Variants in EGFR observed in about 807,000 individuals in gnomAD.
EGFR encodes the protein epidermal growth factor receptor.
In EGFR, 58 loss-of-function variants were observed where a neutral mutation model predicts 143.0. The observed-to-expected ratio is 0.41, with a 90% CI of 0.33 to 0.50. The LOEUF is 0.50. EGFR is among the 20% of genes least tolerant of loss of function. The pLI, the probability that EGFR is intolerant of heterozygous loss-of-function variation, is 0.39. For missense variants in EGFR, 1,307 were observed against 1,579.0 expected (o/e 0.83, Z 2.92); for synonymous variants, 613 against 594.4 (o/e 1.03, Z -0.45).
chr7:55,165,218 C>G (rs951763249), intron 14 of EGFR, 62 bp from the exon 15 acceptor site: 31 of 1,611,194 alleles, frequency 1.9e-5, no homozygotes, highest in Admixed American at 6.7e-5. Context: ...TAAAAAGTTA[C>G]TTCCATTTTG....
intron 1 of EGFR, among the ~76,000 whole-genome samples, chr7:55,032,974 C>T (rs568351316): frequency 5.9e-5 from 9 of 152,300 alleles, no homozygotes; most frequent in Admixed American, 1.3e-4. Context: ...AATCACAATG[C>T]TCTTAAAGCA....
chr7:55,151,262 TGAGATATG>T, intron 4 of EGFR, 24 bp from the exon 5 acceptor site: 3 of 1,607,824 alleles, frequency 1.9e-6, no homozygotes, highest in African/African-American at 1.3e-5. Flanking sequence ...ATCATTTCAC[TGAGATATG>T]CATCTATTAC....
chr7:55,200,987 A>G (rs1195760358), intron 24 of EGFR, among the ~76,000 whole-genome samples: 1 of 152,170 alleles, frequency 6.6e-6, no homozygotes, highest in Non-Finnish European at 1.5e-5. Context: ...GCATCAAAGG[A>G]TGGTTCATGT....
chr7:55,019,813 G>A (rs946949786), intron 1 of EGFR, among the ~76,000 whole-genome samples: 4 of 152,166 alleles, frequency 2.6e-5, no homozygotes, highest in African/African-American at 7.2e-5. Context: ...AGGGGCGGGC[G>A]CTGCCCACCC....
intron 1 of EGFR, among the ~76,000 whole-genome samples, chr7:55,106,084 C>G (rs1203336899): frequency 6.6e-6 from 1 of 152,178 alleles, no homozygotes; most frequent in Non-Finnish European, 1.5e-5. Flanking sequence ...CCTAGAGACC[C>G]AGGTCTGGGA....
rs1301647110 is a variant in EGFR, at chr7:55,208,684, T to G, written c.*3067T>G. On this transcript the variant is annotated 3_prime_UTR_variant, in exon 28 of 28. Transcript: ENST00000275493. ...GGGGAGCACTGTGGATGCATCCTAT[T>G]GCACTCCAGCTGATGACACCAAAGC... 6.6e-6 allele frequency: 1 copy of G among 152,194 alleles called. No homozygotes were observed. Among genetic ancestry groups the G allele is most frequent in the Non-Finnish European group, 1.5e-5 (1 of 68,044 alleles). The allele number at this position is 152,194 out of a possible 1,614,324, so 9.4% of individuals were successfully genotyped here. A position where few individuals can be genotyped will look rare whatever the true frequency, so the allele number is the denominator to read the frequency against.
rs977342475 is a variant in EGFR, at chr7:55,157,842, A to T, written c.1298+89A>T. 1.8e-5 allele frequency: 23 copies of T among 1,297,918 alleles called. No homozygotes were observed. The Admixed American group carries it at 3.2e-4, about 18-fold the overall frequency. The allele number at this position is 1,297,918 out of a possible 1,614,324, so 80.4% of individuals were successfully genotyped here. A position where few individuals can be genotyped will look rare whatever the true frequency, so the allele number is the denominator to read the frequency against. On this transcript the variant is annotated intron_variant, in intron 11 of 27. Transcript: ENST00000275493. ...AACAGGAGAGTTGCTAAGATAGGGC[A>T]CAGAGCTCCTGCATCTCTCGCCGGC...
intron 15 of EGFR, among the ~76,000 whole-genome samples, chr7:55,169,729 CCTT>C (rs1397030403): frequency 1.3e-5 from 2 of 152,160 alleles, no homozygotes; most frequent in African/African-American, 4.8e-5. Context: ...GCTCTCACAT[CCTT>C]CTCTCCTGCA....
chr7:55,042,536 T>C (rs1333336592), intron 1 of EGFR, among the ~76,000 whole-genome samples: 1 of 152,152 alleles, frequency 6.6e-6, no homozygotes. Context: ...ATTGCCCCTG[T>C]TTTCTACTTA....
chr7:55,161,724 C>A, intron 13 of EGFR, 93 bp downstream of exon 13: 1 of 1,601,782 alleles, frequency 6.2e-7, no homozygotes, highest in South Asian at 1.1e-5. Context: ...TTGATTTTCT[C>A]TTCCTTTTAT....
chr7:55,148,223 A>G (rs544154888), intron 4 of EGFR, among the ~76,000 whole-genome samples: 42 of 152,262 alleles, frequency 2.8e-4, no homozygotes, highest in African/African-American at 9.9e-4. Context: ...CAAGGTTAGC[A>G]TTTCCTCAGC....
intron 1 of EGFR, among the ~76,000 whole-genome samples, chr7:55,098,767 C>T (rs1791630532): frequency 6.6e-6 from 1 of 152,224 alleles, no homozygotes; most frequent in Admixed American, 6.5e-5. Context: ...TCCACACTGC[C>T]AGCCTTTTGT....
chr7:55,034,486 A>C (rs776841242), intron 1 of EGFR, among the ~76,000 whole-genome samples: 1 of 152,180 alleles, frequency 6.6e-6, no homozygotes, highest in Non-Finnish European at 1.5e-5. Flanking sequence ...GAGCTACTGC[A>C]GGAATTGCTT....
chr7:55,096,341 GATGTGTACCCC>G (rs1476254705), intron 1 of EGFR, among the ~76,000 whole-genome samples: 1 of 152,220 alleles, frequency 6.6e-6, no homozygotes, highest in African/African-American at 2.4e-5. Flanking sequence ...AGAATTCCGT[GATGTGTACCCC>G]ATGTGTTTAA....
chr7:55,174,062 G>A lies in EGFR; in HGVS notation c.2184+19G>A, dbSNP rs17337107. ...GTATAAGGTAAGGTCCCTGGCACAG[G>A]CCTCTGGGCTGGGCCGCAGGGCCTC... is the stretch of plus-strand genomic sequence containing the variant. On this transcript the variant is annotated intron_variant, in intron 18 of 27. Coordinates refer to ENST00000275493, the MANE Select transcript of EGFR (RefSeq NM_005228.5). 0.044 allele frequency: 70,975 copies of A among 1,614,116 alleles called. 1,835 individuals are homozygous for A. Among genetic ancestry groups the A allele is most frequent in the South Asian group, 0.069 (6,270 of 91,078 alleles).
At chr7:55,197,866 T>G (rs539302282) in intron 22 of EGFR, among the ~76,000 whole-genome samples, 14 of 152,346 alleles carry the variant, frequency 9.2e-5, no homozygotes, top group African/African-American at 2.6e-4. Flanking sequence ...TTGTGGTGGC[T>G]TAAGCTTTTT....
intron 1 of EGFR, among the ~76,000 whole-genome samples, chr7:55,108,103 T>G (rs920233991): frequency 1.3e-5 from 2 of 152,326 alleles, no homozygotes; most frequent in Non-Finnish European, 1.5e-5. Context: ...GAAAGGTGAT[T>G]TTTAGCTGCA....
At chr7:55,132,359 A>G (rs891562277) in intron 1 of EGFR, among the ~76,000 whole-genome samples, 4 of 152,220 alleles carry the variant, frequency 2.6e-5, no homozygotes, top group African/African-American at 9.7e-5. Flanking sequence ...ATTTTTGACT[A>G]TAAGAAGAAT....
chr7:55,092,357 A>G (rs2128895505), intron 1 of EGFR, among the ~76,000 whole-genome samples: 1 of 152,318 alleles, frequency 6.6e-6, no homozygotes, highest in Non-Finnish European at 1.5e-5. Context: ...TGCCTTAATT[A>G]CTTTGGCAAG....
Sources: allele counts gnomAD v4.1 joint callset (sites outside exome capture counted in the v4.1 genomes callset), GRCh38; gene constraint gnomAD v4.1.1; transcripts MANE v1.5; gene names NCBI Gene and HGNC (gene_info 2026-07-23, HGNC 2026-07-21).